CAMTA1: variants seen among roughly 807,000 people sequenced by gnomAD.
The protein encoded by CAMTA1 is calmodulin-binding transcription activator 1.
A neutral mutation model predicts 170.9 loss-of-function variants in CAMTA1; 27 were observed. That is an observed-to-expected ratio of 0.16 (90% CI 0.12 to 0.22). The LOEUF is 0.22. Among genes scored for constraint, CAMTA1 ranks in the 10% least tolerant of loss-of-function variants. The pLI, the probability that CAMTA1 is intolerant of heterozygous loss-of-function variation, is 1.00. For synonymous variants in CAMTA1, 833 were observed against 891.5 expected (o/e 0.93, Z 1.17); for missense variants, 1,619 against 2,217.2 (o/e 0.73, Z 5.42).
intron 3 of CAMTA1, among the ~76,000 whole-genome samples, chr1:7,029,420 C>T (rs375875870): frequency 3.6e-5 from 5 of 139,538 alleles, no homozygotes; most frequent in Non-Finnish European, 7.5e-5. Context: ...GAGAATGGTG[C>T]GAACCCAGGA....
At chr1:7,223,242 G>A (rs1661134652) in intron 4 of CAMTA1, among the ~76,000 whole-genome samples, 1 of 147,312 alleles carries the variant, frequency 6.8e-6, no homozygotes, top group Admixed American at 7.1e-5. Flanking sequence ...TGTATGTCAG[G>A]CTAGGGTGAG....
intron 11 of CAMTA1, among the ~76,000 whole-genome samples, chr1:7,714,721 C>T (rs901976788): frequency 1.3e-5 from 2 of 152,100 alleles, no homozygotes; most frequent in Non-Finnish European, 2.9e-5. Context: ...GGAGTTTCAC[C>T]ATGTTGGTCA....
At chr1:6,884,291 GACACACACACACACACACACACACACAC>G (rs112571156) in intron 3 of CAMTA1, among the ~76,000 whole-genome samples, 2 of 136,550 alleles carry the variant, frequency 1.5e-5, no homozygotes, top group African/African-American at 5.3e-5. Context: ...ATTCTCTAGA[GACACACACACACACACACACACACACAC>G]ACACACACAC....
intron 3 of CAMTA1, among the ~76,000 whole-genome samples, chr1:7,078,559 T>C (rs551440953): frequency 4.6e-5 from 7 of 152,322 alleles, no homozygotes; most frequent in East Asian, 3.9e-4. Context: ...TGTCCTTCAT[T>C]GAAAGATTGC....
At chr1:7,649,510 C>T (rs1458794217) in intron 7 of CAMTA1, among the ~76,000 whole-genome samples, 1 of 152,234 alleles carries the variant, frequency 6.6e-6, no homozygotes, top group East Asian at 1.9e-4. Flanking sequence ...CCTGCAGCCC[C>T]CTTCCAACCT....
intron 3 of CAMTA1, among the ~76,000 whole-genome samples, chr1:7,066,363 GCA>G (rs1158915186): frequency 6.6e-6 from 1 of 152,232 alleles, no homozygotes; most frequent in East Asian, 1.9e-4. Context: ...GTGGGACAAG[GCA>G]CACACACTTT....
In CAMTA1 at chr1:7,264,147, G is replaced by T. The variant is rs551731094; in HGVS notation, c.438+14521G>T. 4.6e-5 allele frequency among the ~76,000 whole-genome samples: 7 copies of T among 152,270 alleles called. No individual in the cohort carries two copies. In the South Asian group the frequency reaches 1.5e-3, roughly 32 times the overall value. On this transcript the variant is annotated intron_variant, in intron 5 of 22. Transcript: ENST00000303635. Reference sequence around the variant, plus strand: ...AAAGGACGCTTCTGCAAAGGATGCAGAAAAGCATTCCTCAAACTTTCATGT... The same window carrying T: ...AAAGGACGCTTCTGCAAAGGATGCATAAAAGCATTCCTCAAACTTTCATGT...
chr1:7,323,758 G>C (rs180907373), intron 5 of CAMTA1, among the ~76,000 whole-genome samples: 12 of 152,052 alleles, frequency 7.9e-5, no homozygotes, highest in African/African-American at 2.9e-4. Flanking sequence ...GTCTTCTTTT[G>C]TTCACCGTTG....
chr1:7,475,074 A>G (rs1557774882), intron 6 of CAMTA1, among the ~76,000 whole-genome samples: 1 of 152,242 alleles, frequency 6.6e-6, no homozygotes, highest in Non-Finnish European at 1.5e-5. Context: ...GGCCATCTCT[A>G]GGAAGCACAA....
At chr1:7,464,608 G>C (rs2093167895) in intron 5 of CAMTA1, among the ~76,000 whole-genome samples, 1 of 152,158 alleles carries the variant, frequency 6.6e-6, no homozygotes, top group South Asian at 2.1e-4. Flanking sequence ...AATGGAAGGG[G>C]AGAGGGAATC....
intron 19 of CAMTA1, among the ~76,000 whole-genome samples, chr1:7,749,313 G>T (rs1428083807): frequency 2.0e-5 from 3 of 152,106 alleles, no homozygotes; most frequent in Non-Finnish European, 4.4e-5. Flanking sequence ...TATTAATGGG[G>T]GTGGGGGGAC....
intron 5 of CAMTA1, among the ~76,000 whole-genome samples, chr1:7,351,516 G>T (rs1264119827): frequency 6.6e-6 from 1 of 152,212 alleles, no homozygotes. Flanking sequence ...GCAGGTCGGG[G>T]GACCTCTGCC....
At chr1:7,147,784 CAAACAT>C (rs1425670186) in intron 4 of CAMTA1, among the ~76,000 whole-genome samples, 1 of 146,460 alleles carries the variant, frequency 6.8e-6, no homozygotes, top group East Asian at 2.1e-4. Context: ...CACACAAACT[CAAACAT>C]ATACCATGCA....
At position 7,482,591 on chromosome 1, in the gene CAMTA1, G is replaced by A. The variant is rs757603305; in HGVS notation, c.510+14690G>A. 1.3e-5 allele frequency among the ~76,000 whole-genome samples: 2 copies of A among 152,176 alleles called. No individual in the cohort carries two copies. The highest frequency in any genetic ancestry group is 2.9e-5 in the Non-Finnish European group (2 of 68,028). On this transcript the variant is annotated intron_variant, in intron 6 of 22. Transcript: ENST00000303635. This position sits in a 1 kb window ranked among gnomAD's most constrained non-coding sequence, Gnocchi z 4.2. ...AGAACTAAAGCATCAGAGAGCCTTTGGAATGCCCAGAAAGGGTGACCCTGG... is the reference window on the plus strand; with the variant it reads ...AGAACTAAAGCATCAGAGAGCCTTTAGAATGCCCAGAAAGGGTGACCCTGG...
intron 5 of CAMTA1, among the ~76,000 whole-genome samples, chr1:7,402,916 G>T (rs845201): frequency 6.6e-6 from 1 of 152,070 alleles, no homozygotes; most frequent in Admixed American, 6.5e-5. Context: ...TGGGGCACGC[G>T]GGACTCGCAT....
chr1:6,973,641 C>T (rs1692921550), intron 3 of CAMTA1, among the ~76,000 whole-genome samples: 2 of 152,138 alleles, frequency 1.3e-5, no homozygotes, highest in Admixed American at 1.3e-4. Flanking sequence ...GATAAATACT[C>T]AGAAGTGGGA....
intron 3 of CAMTA1, among the ~76,000 whole-genome samples, chr1:6,948,803 A>G (rs529302487): frequency 6.6e-6 from 1 of 152,278 alleles, no homozygotes; most frequent in South Asian, 2.1e-4. Context: ...AAACCCAGGC[A>G]TTTGACCCCC....
At chr1:7,726,222 T>G (rs2149833945) in intron 11 of CAMTA1, among the ~76,000 whole-genome samples, 1 of 152,168 alleles carries the variant, frequency 6.6e-6, no homozygotes, top group East Asian at 1.9e-4. Flanking sequence ...AAAGGATTTT[T>G]TTTTGCTTTT....
chr1:6,906,570 G>C (rs1678535498), intron 3 of CAMTA1, among the ~76,000 whole-genome samples: 1 of 152,116 alleles, frequency 6.6e-6, no homozygotes, highest in Non-Finnish European at 1.5e-5. Flanking sequence ...ATGGAGTTGG[G>C]CACTTTTAAT....
Sources: allele counts gnomAD v4.1 joint callset (sites outside exome capture counted in the v4.1 genomes callset), GRCh38; gene constraint gnomAD v4.1.1; non-coding constraint Gnocchi (gnomAD v3.1); transcripts MANE v1.5; gene names NCBI Gene and HGNC (gene_info 2026-07-23, HGNC 2026-07-21).